Variants in CSMD3 observed in about 807,000 individuals in gnomAD.
CSMD3 encodes CUB and sushi domain-containing protein 3.
A neutral mutation model predicts 435.2 loss-of-function variants in CSMD3; 177 were observed. That is an observed-to-expected ratio of 0.41 (90% CI 0.36 to 0.46). The LOEUF (loss-of-function observed/expected upper bound fraction) is 0.46, where lower values mean the gene tolerates loss of function less well. Ranked by LOEUF, CSMD3 falls within the 20% of genes least tolerant of loss-of-function variation. CSMD3 has a pLI of 0.34. For synonymous variants in CSMD3, 1,656 were observed against 1,520.5 expected (o/e 1.09, Z -2.07); for missense variants, 4,265 against 4,504.6 (o/e 0.95, Z 1.52).
chr8:113,347,675 A>G (rs1588567724), intron 1 of CSMD3, among the ~76,000 whole-genome samples: 1 of 152,174 alleles, frequency 6.6e-6, no homozygotes, highest in Admixed American at 6.6e-5. Context: ...ACACAGCTGT[A>G]GGTGTATTTT....
intron 1 of CSMD3, among the ~76,000 whole-genome samples, chr8:113,374,948 G>A (rs1417533325): frequency 6.6e-6 from 1 of 151,008 alleles, no homozygotes; most frequent in African/African-American, 2.4e-5. Flanking sequence ...CATTGTAAGT[G>A]TTTGTTTTTA....
At chr8:113,293,063 C>A (rs1184743856) in intron 2 of CSMD3, among the ~76,000 whole-genome samples, 2 of 151,770 alleles carry the variant, frequency 1.3e-5, no homozygotes, top group Non-Finnish European at 2.9e-5. Flanking sequence ...AACCATGACA[C>A]ACCTTCACTC....
chr8:113,218,904 C>A (rs892656650), intron 3 of CSMD3, among the ~76,000 whole-genome samples: 3 of 151,092 alleles, frequency 2.0e-5, no homozygotes, highest in African/African-American at 4.8e-5. Flanking sequence ...TTTCTATATA[C>A]CTTATACATA....
chr8:113,123,646 CA>C (rs1343314760), intron 4 of CSMD3, among the ~76,000 whole-genome samples: 1 of 151,974 alleles, frequency 6.6e-6, no homozygotes, highest in East Asian at 1.9e-4. Context: ...ACCTGTAAAC[CA>C]GTGGTTCTAG....
At chr8:113,428,903 G>T (rs2094653010) in intron 1 of CSMD3, among the ~76,000 whole-genome samples, 1 of 151,502 alleles carries the variant, frequency 6.6e-6, no homozygotes, top group Non-Finnish European at 1.5e-5. Flanking sequence ...TAATGTCATA[G>T]TTAAAAAATC....
At chr8:112,636,454 CT>C (rs2074659160) in intron 22 of CSMD3, among the ~76,000 whole-genome samples, 1 of 151,100 alleles carries the variant, frequency 6.6e-6, no homozygotes, top group Admixed American at 6.6e-5. Context: ...TCTGTGAGCT[CT>C]CAAAATATGA....
chr8:113,222,491 A>G (rs1452596245), intron 3 of CSMD3, among the ~76,000 whole-genome samples: 2 of 151,070 alleles, frequency 1.3e-5, no homozygotes, highest in African/African-American at 4.8e-5. Flanking sequence ...AATATAAAGA[A>G]TAAGATTTTA....
intron 59 of CSMD3, among the ~76,000 whole-genome samples, chr8:112,266,967 A>G (rs1586593457): frequency 6.6e-6 from 1 of 152,182 alleles, no homozygotes; most frequent in East Asian, 1.9e-4. Flanking sequence ...GGTTCATAAA[A>G]GGGTAATTTC....
At chr8:113,267,812 A>T (rs1173696109) in intron 3 of CSMD3, among the ~76,000 whole-genome samples, 1 of 151,812 alleles carries the variant, frequency 6.6e-6, no homozygotes, top group East Asian at 1.9e-4. Flanking sequence ...GAATTTGCAC[A>T]AATAAAAAAT....
At chr8:112,815,265 T>C (rs190083365) in intron 12 of CSMD3, among the ~76,000 whole-genome samples, 12 of 152,266 alleles carry the variant, frequency 7.9e-5, no homozygotes, top group African/African-American at 2.6e-4. Context: ...CAATAATTGT[T>C]GTTTTAACTT....
intron 3 of CSMD3, among the ~76,000 whole-genome samples, chr8:113,245,124 G>C (rs1194095099): frequency 6.6e-6 from 1 of 151,958 alleles, no homozygotes; most frequent in Non-Finnish European, 1.5e-5. Context: ...GGCATATATA[G>C]TTTTTTCAGC....
chr8:112,563,233 TAATCAAACTATACAAA>T, intron 24 of CSMD3, among the ~76,000 whole-genome samples: 1 of 152,030 alleles, frequency 6.6e-6, no homozygotes, highest in Middle Eastern at 3.4e-3. Context: ...TATTTCTCAC[TAATCAAACTATACAAA>T]AATCAAACTT....
rs78012770 is a variant in CSMD3 at position 112,413,550 on chromosome 8, G to C, written c.5396-4518C>G. 3.5e-3 allele frequency among the ~76,000 whole-genome samples: 528 copies of C among 152,220 alleles called. 1 individual carries two copies. The highest frequency in any genetic ancestry group is 0.012 in the African/African-American group (501 of 41,546). ...AAAGAAACTCTTGAGCATTAGCATA[G>C]ATAACTGGCAGAATTCTCACTACAG... On this transcript the variant is annotated intron_variant, in intron 32 of 70. Transcript: ENST00000297405.
chr8:112,560,711 A>C (rs2131246300), intron 24 of CSMD3, among the ~76,000 whole-genome samples: 1 of 151,786 alleles, frequency 6.6e-6, no homozygotes, highest in South Asian at 2.1e-4. Context: ...AGTCTCTCAA[A>C]CACAGAAGAA....
rs2076828918 is a variant in CSMD3, at chr8:112,720,297, T to C, written c.1973-30247A>G. Among the ~76,000 whole-genome samples the C allele has an allele frequency of 3.4e-5, 5 of 146,004 alleles. No homozygotes were observed. In the Admixed American group the frequency reaches 3.4e-4, roughly 10 times the overall value. On this transcript the variant is annotated intron_variant, in intron 13 of 70. Coordinates refer to ENST00000297405, the MANE Select transcript of CSMD3 (RefSeq NM_198123.2). ...TTAAATCCCTTTCTGCTTAAAATGC[T>C]AGAAATTTTTTTCTTTTCTTTTCTT...
Position 112,252,376 on chromosome 8 carries a change from T to C in CSMD3, c.10110+1877A>G, listed in dbSNP as rs141016870. Among the ~76,000 whole-genome samples, 271 of 151,972 alleles carry C rather than the reference T, an allele frequency of 1.8e-3. 1 individual carries two copies. The highest frequency in any genetic ancestry group is 6.3e-3 in the African/African-American group (262 of 41,540). ...AAATATGAAGTAGATAAACAGAAAG[T>C]AGTATAAAAAACTGAGTACTTGAAG... On this transcript the variant is annotated intron_variant, in intron 63 of 70. Coordinates refer to ENST00000297405, the MANE Select transcript of CSMD3 (RefSeq NM_198123.2).
At chr8:112,676,542 GA>G (rs1311427605) in intron 16 of CSMD3, among the ~76,000 whole-genome samples, 1 of 151,990 alleles carries the variant, frequency 6.6e-6, no homozygotes, top group African/African-American at 2.4e-5. Context: ...AAAATGGTAT[GA>G]ATTTCAGATT....
At chr8:112,282,872 T>C (rs1038358590) in intron 58 of CSMD3, among the ~76,000 whole-genome samples, 1 of 152,100 alleles carries the variant, frequency 6.6e-6, no homozygotes, top group Non-Finnish European at 1.5e-5. Context: ...TGAATAAACC[T>C]GCATTTACAT....
intron 1 of CSMD3, among the ~76,000 whole-genome samples, chr8:113,427,791 A>G (rs556207463): frequency 2.6e-5 from 4 of 151,794 alleles, no homozygotes; most frequent in African/African-American, 9.6e-5. Flanking sequence ...GGACACTCTG[A>G]GAACTTCCAT....
Sources: allele counts gnomAD v4.1 joint callset (sites outside exome capture counted in the v4.1 genomes callset), GRCh38; gene constraint gnomAD v4.1.1; transcripts MANE v1.5; gene names NCBI Gene and HGNC (gene_info 2026-07-23, HGNC 2026-07-21).